The following CNNM1 variants were observed in gnomAD, a reference collection of about 807,000 sequenced individuals.
CNNM1 encodes the protein cyclin and CBS domain divalent metal cation transport mediator 1.
A neutral mutation model predicts 78.8 loss-of-function variants in CNNM1; 44 were observed. The observed-to-expected ratio is 0.56, with a 90% confidence interval of 0.44 to 0.72. The LOEUF (loss-of-function observed/expected upper bound fraction) is 0.72, where lower values mean the gene tolerates loss of function less well. Ranked by LOEUF, CNNM1 falls within the 30% of genes least tolerant of loss-of-function variation. The probability of loss-of-function intolerance (pLI) is 0.00; values close to 1 mark genes in which losing one functional copy is unlikely to be tolerated. For missense variants in CNNM1, 1,101 were observed against 1,292.2 expected (o/e 0.85, Z 2.27); for synonymous variants, 584 against 581.5 (o/e 1.00, Z -0.06).
At chr10:99,353,750 T>C (rs192766438) in intron 1 of CNNM1, among the ~76,000 whole-genome samples, 28 of 152,350 alleles carry the variant, frequency 1.8e-4, no homozygotes, top group African/African-American at 6.5e-4. Context: ...CATTTGTGTG[T>C]AGCAGATCTC....
At chr10:99,332,325 A>G (rs1393478963) in intron 1 of CNNM1, among the ~76,000 whole-genome samples, 1 of 152,224 alleles carries the variant, frequency 6.6e-6, no homozygotes, top group Non-Finnish European at 1.5e-5. Flanking sequence ...AACCAAAAAA[A>G]TCAATCCCTT....
intron 1 of CNNM1, among the ~76,000 whole-genome samples, chr10:99,342,160 A>T (rs1189663942): frequency 1.3e-5 from 2 of 152,218 alleles, no homozygotes; most frequent in Non-Finnish European, 2.9e-5. Flanking sequence ...GATATGTAGT[A>T]TACTTCAATC....
At chr10:99,368,885 C>G (rs1315560339) in intron 6 of CNNM1, among the ~76,000 whole-genome samples, 2 of 152,162 alleles carry the variant, frequency 1.3e-5, no homozygotes, top group African/African-American at 4.8e-5. Context: ...GAGTTTACCT[C>G]CCAGGAATGT....
At chr10:99,381,797 C>A (rs900413858) in intron 7 of CNNM1, among the ~76,000 whole-genome samples, 2 of 150,682 alleles carry the variant, frequency 1.3e-5, no homozygotes, top group Non-Finnish European at 3.0e-5. Context: ...GGGTAGTTCT[C>A]CAAAAAGGAA....
At position 99,360,977 on chromosome 10, in the gene CNNM1, T is replaced by C. The variant is rs544233230; in HGVS notation, c.1858+2T>C. 3 of 1,602,204 alleles carry C rather than the reference T, an allele frequency of 1.9e-6. No individual in the cohort carries two copies. Among genetic ancestry groups the C allele is most frequent in the Admixed American group, 3.4e-5 (2 of 59,116 alleles). ...CCACACACCGCTTCATGGCCACAGG[T>C]AGGACAAGTCTCCACTCCAGAGAAG... On this transcript the variant is annotated splice_donor_variant, in intron 3 of 10. Transcript: ENST00000356713. LOFTEE classifies it high-confidence loss of function.
chr10:99,357,621 C>T lies in CNNM1; in HGVS notation c.1683C>T (p.Ile561=), dbSNP rs1160135292. Residue 561 remains isoleucine, a synonymous_variant, in exon 2 of 11, where the codon ATC becomes ATT. Coordinates refer to ENST00000356713, the MANE Select transcript of CNNM1 (RefSeq NM_020348.3). ...VTLEDIIEEI[I]KSEILDETDL... The stretch of plus-strand genomic sequence containing the variant: ...TGGAGGATATCATAGAGGAGATTAT[C>T]AAGTCGGAGATCCTGGATGAAACTG... 1.9e-6 allele frequency: 3 copies of T among 1,612,980 alleles called. No individual in the cohort carries two copies. Among genetic ancestry groups the T allele is most frequent in the Non-Finnish European group, 2.5e-6 (3 of 1,179,504 alleles).
chr10:99,388,240 C>T lies in CNNM1; in HGVS notation c.2613C>T (p.Asp871=), dbSNP rs768166089. The change falls in exon 9 of 11, where the codon GAC becomes GAT. Residue 871 remains aspartate (D), a synonymous_variant. Coordinates refer to ENST00000356713, the MANE Select transcript of CNNM1 (RefSeq NM_020348.3). ...ELAFTQEEMT[D]FEEHSTQQLT... is the part of the protein sequence containing the mutation. ...CCTTCACCCAGGAAGAAATGACTGA[C>T]TTCGAGGAGCACAGCACACAGCAGC... 1.9e-5 allele frequency: 31 copies of T among 1,613,880 alleles called. No homozygotes were observed. The highest frequency in any genetic ancestry group is 2.7e-5 in the African/African-American group (2 of 74,954).
At chr10:99,388,454 T>A (rs1267002842) in intron 9 of CNNM1, among the ~76,000 whole-genome samples, 153 bp downstream of exon 9, 1 of 152,172 alleles carries the variant, frequency 6.6e-6, no homozygotes, top group Non-Finnish European at 1.5e-5. Context: ...AAGGAAACAT[T>A]TACTGAGCAT....
At chr10:99,374,778 T>C (rs1173599487) in intron 6 of CNNM1, among the ~76,000 whole-genome samples, 1 of 152,230 alleles carries the variant, frequency 6.6e-6, no homozygotes, top group Non-Finnish European at 1.5e-5. Context: ...GGCCAGGCAC[T>C]GTGCCAGGTG....
chr10:99,357,371 A>G (rs2031258921), intron 1 of CNNM1, 141 bp from the exon 2 acceptor site: 4 of 652,356 alleles, frequency 6.1e-6, no homozygotes, highest in South Asian at 3.9e-5. Flanking sequence ...GCGCTTGCAT[A>G]AAAACTTCAT....
In CNNM1 at chr10:99,329,576, C is replaced by T; in HGVS notation, c.189C>T (p.Arg63=). The stretch of plus-strand genomic sequence containing the variant: ...TGTCCCTGGAGGGGGGCACCCTGCG[C>T]GCCGCCGAAGGCACCAGCTTCCTCC... ...GRVSLEGGTL[R]AAEGTSFLLR... The change falls in exon 1 of 11, where the codon CGC becomes CGT. Residue 63 remains arginine, a synonymous_variant. Coordinates refer to ENST00000356713, the MANE Select transcript of CNNM1 (RefSeq NM_020348.3). 1 of 1,524,622 alleles carries T rather than the reference C, an allele frequency of 6.6e-7. No individual in the cohort carries two copies. Among genetic ancestry groups the T allele is most frequent in the South Asian group, 1.2e-5 (1 of 81,302 alleles). The allele number at this position is 1,524,622 out of a possible 1,614,324, so 94.4% of individuals were successfully genotyped here. A position where few individuals can be genotyped will look rare whatever the true frequency, so the allele number is the denominator to read the frequency against.
chr10:99,359,768 C>T (rs1477255509), intron 2 of CNNM1, among the ~76,000 whole-genome samples: 1 of 152,076 alleles, frequency 6.6e-6, no homozygotes, highest in Non-Finnish European at 1.5e-5. Context: ...GACGTTCCCC[C>T]ACAGCCCTGT....
chr10:99,345,315 G>GACGAATCTGTAGGCTGTCTT (rs2030645475), intron 1 of CNNM1, among the ~76,000 whole-genome samples: 1 of 152,168 alleles, frequency 6.6e-6, no homozygotes. Context: ...GGAGAACACT[G>GACGAATCTGTAGGCTGTCTT]ACGAATCTGT....
intron 1 of CNNM1, among the ~76,000 whole-genome samples, chr10:99,334,190 C>G (rs553121749): frequency 7.9e-5 from 12 of 152,304 alleles, no homozygotes; most frequent in Admixed American, 5.9e-4. Context: ...CCCTTATTAA[C>G]AGTGTTTGGT....
intron 1 of CNNM1, among the ~76,000 whole-genome samples, chr10:99,354,161 T>C (rs1263693446): frequency 1.3e-5 from 2 of 152,200 alleles, no homozygotes; most frequent in African/African-American, 4.8e-5. Flanking sequence ...CTAGCACATA[T>C]TAGCAGAAAA....
In CNNM1 at chr10:99,390,387, A is replaced by G. The variant is rs781740372; in HGVS notation, c.2756A>G (p.Lys919Arg). 5.0e-6 allele frequency: 8 copies of G among 1,612,502 alleles called. No individual in the cohort carries two copies. Among genetic ancestry groups the G allele is most frequent in the African/African-American group, 1.3e-5 (1 of 74,930 alleles). Residue 919 changes from lysine to arginine, a missense_variant, in exon 10 of 11, where the codon AAG becomes AGG. Physicochemically the swap from Lys to Arg is conservative, Grantham distance 26. This residue lies in a region of CNNM1 where 348 missense variants were observed against 384.5 expected (regional missense o/e 0.90). Transcript: ENST00000356713. Reference sequence around the variant, plus strand: ...AGCGATTTTGAGGAAAACGTGGGCAAGAAGCTGCTGAGAACCTTGAGTGAG... The same window carrying G: ...AGCGATTTTGAGGAAAACGTGGGCAGGAAGCTGCTGAGAACCTTGAGTGAG... ...CSSDFEENVG[K>R]KLLRTLSGQK...
At chr10:99,365,859 AT>A in intron 6 of CNNM1, among the ~76,000 whole-genome samples, 1 of 152,200 alleles carries the variant, frequency 6.6e-6, no homozygotes. Context: ...CCAGAGCTTG[AT>A]ATCATAGTCC....
In CNNM1 at chr10:99,391,589, T is replaced by C. The variant is rs943540190; in HGVS notation, c.*73T>C. On this transcript the variant is annotated 3_prime_UTR_variant, in exon 11 of 11. Transcript: ENST00000356713. ...GGGGAGAATCCACCCTCCCATCATC[T>C]GCTTCCCCCAAGGCCTCCCACAGGT... 1 of 1,309,974 alleles carries C rather than the reference T, an allele frequency of 7.6e-7. No homozygotes were observed. Among genetic ancestry groups the C allele is most frequent in the Non-Finnish European group, 1.1e-6 (1 of 916,842 alleles). The allele number at this position is 1,309,974 out of a possible 1,614,324, so 81.1% of individuals were successfully genotyped here. A position where few individuals can be genotyped will look rare whatever the true frequency, so the allele number is the denominator to read the frequency against.
intron 1 of CNNM1, among the ~76,000 whole-genome samples, chr10:99,350,438 A>G (rs1429202365): frequency 6.6e-6 from 1 of 152,186 alleles, no homozygotes; most frequent in Non-Finnish European, 1.5e-5. Context: ...GAAGCAAATC[A>G]ATTATTTGCC....
Sources: allele counts gnomAD v4.1 joint callset (sites outside exome capture counted in the v4.1 genomes callset), GRCh38; gene constraint gnomAD v4.1.1; regional missense constraint gnomAD v4.1.1; transcripts MANE v1.5; gene names NCBI Gene and HGNC (gene_info 2026-07-23, HGNC 2026-07-21).